Variants in RARS1 observed in about 807,000 individuals in gnomAD.
RARS1 encodes the protein arginyl-tRNA synthetase 1, also known as arginine--tRNA ligase, cytoplasmic.
Under a neutral mutation model 78.7 loss-of-function variants are expected in RARS1, and 75 were observed. The ratio of observed to expected loss-of-function variants is 0.95; its 90% confidence interval spans 0.79 to 1.15. The LOEUF is 1.15. Ranked by LOEUF, RARS1 falls within the 50% of genes most tolerant of loss-of-function variation. The pLI is 0.00. For missense variants in RARS1, 787 were observed against 787.5 expected (o/e 1.00, Z 0.01); for synonymous variants, 273 against 268.2 (o/e 1.02, Z -0.18).
intron 8 of RARS1, 29 bp downstream of exon 8, chr5:168,500,749 C>A: frequency 6.2e-7 from 1 of 1,601,594 alleles, no homozygotes; most frequent in East Asian, 2.3e-5. Flanking sequence ...TTCCTTCGTC[C>A]AGCAAATACT....
At position 168,492,819 on chromosome 5, in the gene RARS1, A is replaced by C; in HGVS notation, c.341A>C (p.Gln114Pro). The stretch of plus-strand genomic sequence containing the variant: ...CAGCAGGCCAAGTTTGGGGACTATC[A>C]GTGTAATAGTGCTATGGGTATTTCT... The part of the protein sequence containing the change: ...PSQQAKFGDY[Q>P]CNSAMGISQM... Residue 114 changes from glutamine (Q) to proline (P), a missense_variant, in exon 3 of 15, where the codon CAG becomes CCG. Physicochemically the swap from Gln to Pro is moderately conservative, Grantham distance 76 (BLOSUM62 -1). Transcript: ENST00000231572. 6.2e-7 allele frequency: 1 copy of C among 1,612,844 alleles called. No homozygotes were observed. The highest frequency in any genetic ancestry group is 8.5e-7 in the Non-Finnish European group (1 of 1,178,920).
At chr5:168,517,046 G>C in intron 13 of RARS1, 96 bp downstream of exon 13, 1 of 1,302,692 alleles carries the variant, frequency 7.7e-7, no homozygotes, top group African/African-American at 1.5e-5. Flanking sequence ...AATGAGACGG[G>C]GTCTTGGGCT....
chr5:168,494,054 T>C (rs1184680656), intron 4 of RARS1, 52 bp downstream of exon 4: 2 of 1,483,138 alleles, frequency 1.3e-6, no homozygotes, highest in Non-Finnish European at 1.9e-6. Context: ...TGAGTCCTTT[T>C]TGAAGTTAAA....
chr5:168,505,850 T>A (rs1758434244), intron 9 of RARS1, among the ~76,000 whole-genome samples, 171 bp from the exon 10 acceptor site: 1 of 152,126 alleles, frequency 6.6e-6, no homozygotes, highest in East Asian at 1.9e-4. Flanking sequence ...TTTTCCAAGG[T>A]TTCTAATAGA....
intron 6 of RARS1, 184 bp from the exon 7 acceptor site, chr5:168,497,044 T>C (rs1013758298): frequency 6.9e-6 from 3 of 436,676 alleles, no homozygotes; most frequent in Non-Finnish European, 1.2e-5. Flanking sequence ...GTAACAGACA[T>C]AGTTTTCATC....
intron 1 of RARS1, among the ~76,000 whole-genome samples, 179 bp downstream of exon 1, chr5:168,486,722 A>G (rs1321240857): frequency 6.6e-6 from 1 of 151,990 alleles, no homozygotes; most frequent in African/African-American, 2.4e-5. Context: ...CATCATTTCA[A>G]AGCCCGTGTG....
At chr5:168,512,578 A>G (rs547842479) in intron 12 of RARS1, among the ~76,000 whole-genome samples, 1 of 152,338 alleles carries the variant, frequency 6.6e-6, no homozygotes, top group Admixed American at 6.5e-5. Context: ...ACAAGGTCCC[A>G]CAATAGGCTG....
rs139538523 is a variant in RARS1, at chr5:168,496,704, G to A, written c.702-524G>A. Among the ~76,000 whole-genome samples, 1,441 of 151,904 alleles carry A rather than the reference G, an allele frequency of 9.5e-3. 15 individuals carry two copies. Among genetic ancestry groups the A allele is most frequent in the South Asian group, 0.041 (195 of 4,794 alleles). ...TCACCATGTTGGCCAGGCGGGTCTC[G>A]AACTCCTAACCTCAAGTGATCCGCC... On this transcript the variant is annotated intron_variant, in intron 6 of 14. Transcript: ENST00000231572.
chr5:168,510,516 T>C, intron 11 of RARS1, 65 bp from the exon 12 acceptor site: 1 of 1,271,816 alleles, frequency 7.9e-7, no homozygotes, highest in Non-Finnish European at 1.1e-6. Flanking sequence ...CAAACCTTCA[T>C]TTTCAAAGAT....
At chr5:168,493,324 T>G in intron 3 of RARS1, 1 of 156,560 alleles carries the variant, frequency 6.4e-6, no homozygotes, top group Admixed American at 6.2e-5. Context: ...CTTGGGTCTT[T>G]CTGTTTTCCT....
chr5:168,518,152 T>C (rs1758715198), intron 14 of RARS1, 90 bp downstream of exon 14: 1 of 1,334,286 alleles, frequency 7.5e-7, no homozygotes, highest in African/African-American at 1.6e-5. Context: ...GGTGAAATCA[T>C]AGGTCACTGA....
intron 14 of RARS1, among the ~76,000 whole-genome samples, chr5:168,518,855 T>G (rs1402086190): frequency 1.3e-5 from 2 of 152,216 alleles, no homozygotes; most frequent in African/African-American, 4.8e-5. Context: ...ATTGCAGACC[T>G]TATATCTCTT....
At chr5:168,491,792 A>G (rs557311003) in intron 2 of RARS1, among the ~76,000 whole-genome samples, 1 of 152,318 alleles carries the variant, frequency 6.6e-6, no homozygotes, top group African/African-American at 2.4e-5. Context: ...AACTTTTGTT[A>G]TTGTCATTAT....
chr5:168,490,109 C>T (rs62385660), intron 2 of RARS1, among the ~76,000 whole-genome samples: 4,903 of 152,210 alleles, frequency 0.032, 96 homozygotes, highest in East Asian at 0.095. Context: ...CCACCGTGCC[C>T]GGTGTCCATA....
chr5:168,500,662 G>T lies in RARS1; in HGVS notation c.894G>T (p.Gln298His). Residue 298 changes from glutamine (Q) to histidine (H), a missense_variant, in exon 8 of 15, where the codon CAG (glutamine) becomes CAT (histidine). Transcript: ENST00000231572. ...KRAYQCVVLLQGKNPDITKAW... is the reference protein window; with the variant it reads ...KRAYQCVVLLHGKNPDITKAW... ...CATATCAGTGTGTAGTTCTGCTCCA[G>T]GGTAAAAACCCAGATATTACAAAAG... The T allele has an allele frequency of 6.2e-7, 1 of 1,610,568 alleles. No homozygotes were observed. The highest frequency in any genetic ancestry group is 8.5e-7 in the Non-Finnish European group (1 of 1,179,020).
intron 1 of RARS1, chr5:168,488,234 TCTC>T (rs543357730): frequency 3.2e-5 from 12 of 371,592 alleles, no homozygotes; most frequent in African/African-American, 2.6e-4. Flanking sequence ...TTCAGGCAAT[TCTC>T]CTGCCTCAGC....
At chr5:168,506,683 T>C (rs1758453603) in intron 10 of RARS1, 39 bp from the exon 11 acceptor site, 2 of 1,463,030 alleles carry the variant, frequency 1.4e-6, no homozygotes, top group Non-Finnish European at 1.9e-6. Context: ...TTTTTTTCTT[T>C]AAAGAAGACT....
chr5:168,518,823 G>C (rs1449192040), intron 14 of RARS1, among the ~76,000 whole-genome samples: 1 of 152,032 alleles, frequency 6.6e-6, no homozygotes, highest in East Asian at 1.9e-4. Context: ...TTAAAAGAAA[G>C]GTAAAATTTA....
intron 7 of RARS1, among the ~76,000 whole-genome samples, chr5:168,498,499 T>G (rs1183949859): frequency 1.3e-5 from 2 of 152,206 alleles, no homozygotes; most frequent in South Asian, 2.1e-4. Flanking sequence ...GATTTTAATA[T>G]AGTTTTTGTA....
Sources: allele counts gnomAD v4.1 joint callset (sites outside exome capture counted in the v4.1 genomes callset), GRCh38; gene constraint gnomAD v4.1.1; transcripts MANE v1.5; gene names NCBI Gene and HGNC (gene_info 2026-07-23, HGNC 2026-07-21).